TUSC3: variants seen among roughly 807,000 people sequenced by gnomAD.
TUSC3 encodes the protein tumor suppressor candidate 3.
TUSC3 carries 45 observed loss-of-function variants against 44.8 expected under a neutral mutation model. The ratio of observed to expected loss-of-function variants is 1.00; its 90% confidence interval spans 0.79 to 1.29. The LOEUF (loss-of-function observed/expected upper bound fraction) is 1.29. Among genes scored for constraint, TUSC3 ranks in the 50% most tolerant of loss-of-function variants. The pLI, the probability that TUSC3 is intolerant of heterozygous loss-of-function variation, is 0.00. For synonymous variants in TUSC3, 212 were observed against 152.9 expected (o/e 1.39, Z -2.85); for missense variants, 519 against 437.9 (o/e 1.19, Z -1.65).
chr8:15,427,075 G>GTTTTTTTTTTTTTTTTTTTTTT (rs367932724), intron 1 of TUSC3, among the ~76,000 whole-genome samples: 1 of 145,960 alleles, frequency 6.9e-6, no homozygotes. Context: ...GTTGTTTGGT[G>GTTTTTTTTTTTTTTTTTTTTTT]TTTGTTTTTT....
the TUSC3 span, among the ~76,000 whole-genome samples, chr8:15,823,162 G>A: frequency 6.6e-6 from 1 of 152,126 alleles, no homozygotes; most frequent in Admixed American, 6.6e-5. Flanking sequence ...AGTTTAACCT[G>A]TACCAGTTCC....
chr8:15,644,614 TAAG>T (rs1806541957), intron 2 of TUSC3, among the ~76,000 whole-genome samples: 2 of 152,124 alleles, frequency 1.3e-5, no homozygotes, highest in Admixed American at 6.5e-5. Context: ...TATTAAACGT[TAAG>T]AAGTTGGGAT....
the TUSC3 span, among the ~76,000 whole-genome samples, chr8:15,784,351 G>A: frequency 6.6e-6 from 1 of 152,064 alleles, no homozygotes; most frequent in South Asian, 2.1e-4. Context: ...AAAATAAAAT[G>A]TGGAAAAACA....
Position 15,610,467 on chromosome 8 carries a change from GA to G in TUSC3, c.139-12611del, listed in dbSNP as rs1804710841. 2.6e-5 allele frequency among the ~76,000 whole-genome samples: 4 copies of G among 152,094 alleles called. No homozygotes were observed. In the South Asian group the frequency reaches 8.3e-4, roughly 32 times the overall value. ...CACTGCTTCCTTTATTAATTTTTAT[GA>G]ATAAGGAAATACTAGCAAACTTGAT... On this transcript the variant is annotated intron_variant, in intron 1 of 10. Coordinates refer to ENST00000503731, the MANE Select transcript of TUSC3 (RefSeq NM_006765.4).
At chr8:15,467,277 C>CAAA (rs11371796) in intron 1 of TUSC3, among the ~76,000 whole-genome samples, 9 of 103,034 alleles carry the variant, frequency 8.7e-5, no homozygotes, top group Admixed American at 3.0e-4. Context: ...GTTCTTTAGC[C>CAAA]AAAAAAAAAA....
chr8:15,510,990 C>G (rs910874735), intron 2 of TUSC3, among the ~76,000 whole-genome samples: 1 of 152,246 alleles, frequency 6.6e-6, no homozygotes, highest in African/African-American at 2.4e-5. Context: ...GATTTCCATA[C>G]AAGCAGAAAA....
chr8:15,458,343 A>G (rs762453861), intron 1 of TUSC3, among the ~76,000 whole-genome samples: 1 of 152,068 alleles, frequency 6.6e-6, no homozygotes, highest in Admixed American at 6.6e-5. Context: ...GGCTCAAACA[A>G]TCCTCCCACC....
intron 6 of TUSC3, among the ~76,000 whole-genome samples, chr8:15,695,415 T>G (rs964519514): frequency 1.3e-5 from 2 of 152,220 alleles, no homozygotes; most frequent in African/African-American, 4.8e-5. Context: ...CTGCCATGAT[T>G]GTGAGGCCTT....
intron 6 of TUSC3, among the ~76,000 whole-genome samples, chr8:15,692,371 C>CCCCCCCCTT (rs1563175839): frequency 5.3e-5 from 1 of 18,818 alleles, no homozygotes; most frequent in Non-Finnish European, 1.0e-4. Flanking sequence ...CCCCCCCCCC[C>CCCCCCCCTT]TTTGTTTTTT....
chr8:15,597,159 A>G (rs1804108678), intron 1 of TUSC3, among the ~76,000 whole-genome samples: 1 of 151,966 alleles, frequency 6.6e-6, no homozygotes, highest in South Asian at 2.1e-4. Context: ...CAGAATCATG[A>G]CAGTAGAAAG....
chr8:15,767,464 T>G (rs1385483460), downstream of TUSC3, among the ~76,000 whole-genome samples: 32 of 152,054 alleles, frequency 2.1e-4, no homozygotes, highest in Non-Finnish European at 5.9e-5. Context: ...ACATTCCATT[T>G]TATTGGAAAT....
At chr8:15,653,372 T>A (rs1434717505) in intron 3 of TUSC3, among the ~76,000 whole-genome samples, 3 of 152,116 alleles carry the variant, frequency 2.0e-5, no homozygotes, top group Non-Finnish European at 4.4e-5. Flanking sequence ...TAATTCATAT[T>A]TTTTTTTAAA....
intron 1 of TUSC3, among the ~76,000 whole-genome samples, chr8:15,446,970 C>T (rs7817036): frequency 0.031 from 4,618 of 150,516 alleles, 255 homozygotes; most frequent in African/African-American, 0.11. Flanking sequence ...ATTCACACAC[C>T]CAATGAAGAA....
At chr8:15,655,860 A>C (rs1022655264) in intron 3 of TUSC3, among the ~76,000 whole-genome samples, 3 of 152,150 alleles carry the variant, frequency 2.0e-5, no homozygotes, top group African/African-American at 7.2e-5. Flanking sequence ...TTCTTCCCCA[A>C]ACCACCTTAT....
chr8:15,457,754 AAT>A (rs1489559728), intron 1 of TUSC3, among the ~76,000 whole-genome samples: 1 of 148,282 alleles, frequency 6.7e-6, no homozygotes, highest in African/African-American at 2.4e-5. Context: ...TTTAAAATAA[AAT>A]AGATAAATTA....
chr8:15,812,448 A>T, the TUSC3 span, among the ~76,000 whole-genome samples: 1 of 152,230 alleles, frequency 6.6e-6, no homozygotes, highest in African/African-American at 2.4e-5. Flanking sequence ...CTGTGAAGGA[A>T]ATAGTCTCAG....
Position 15,515,888 on chromosome 8 carries a change from C to T in TUSC3, n.189+32405C>T, listed in dbSNP as rs144996647. On this transcript the variant is annotated intron_variant and non_coding_transcript_variant, in intron 2 of 5. Coordinates refer to the TUSC3 transcript ENST00000503191. The stretch of plus-strand genomic sequence containing the variant: ...GTTTCACCATATTGGCCAGGCTGGT[C>T]TTGAATTCCTGACCTTGTGATCCAC... 5.3e-5 allele frequency among the ~76,000 whole-genome samples: 8 copies of T among 152,062 alleles called. No individual in the cohort carries two copies. In the East Asian group the frequency reaches 9.7e-4, roughly 18 times the overall value.
At chr8:15,815,141 T>C in the TUSC3 span, among the ~76,000 whole-genome samples, 2 of 152,174 alleles carry the variant, frequency 1.3e-5, no homozygotes, top group African/African-American at 4.8e-5. Flanking sequence ...AATAATAAAC[T>C]GCTAGTAAAT....
intron 9 of TUSC3, among the ~76,000 whole-genome samples, chr8:15,750,595 G>A (rs1301430977): frequency 3.3e-5 from 5 of 151,790 alleles, no homozygotes; most frequent in Admixed American, 1.3e-4. Flanking sequence ...GGGTTATGTT[G>A]TTGTTGTTTT....
Sources: allele counts gnomAD v4.1 joint callset (sites outside exome capture counted in the v4.1 genomes callset), GRCh38; gene constraint gnomAD v4.1.1; transcripts MANE v1.5; gene names NCBI Gene and HGNC (gene_info 2026-07-23, HGNC 2026-07-21).